The following HTR4 variants were observed in gnomAD, a reference collection of about 807,000 sequenced individuals.
HTR4 encodes the protein 5-hydroxytryptamine receptor 4.
Under a neutral mutation model 36.8 loss-of-function variants are expected in HTR4, and 16 were observed. That is an observed-to-expected ratio of 0.43 (90% CI 0.29 to 0.66). The LOEUF (loss-of-function observed/expected upper bound fraction) is 0.66. HTR4 is among the 30% of genes least tolerant of loss of function. The pLI is 0.13. For missense variants in HTR4, 438 were observed against 490.9 expected (o/e 0.89, Z 1.02); for synonymous variants, 189 against 185.1 (o/e 1.02, Z -0.17).
chr5:148,602,695 G>T (rs988728392), intron 2 of HTR4, among the ~76,000 whole-genome samples: 26 of 152,068 alleles, frequency 1.7e-4, no homozygotes, highest in Admixed American at 7.9e-4. Context: ...AATAAGCAAT[G>T]CCAATACTTG....
Position 148,549,528 on chromosome 5 carries a change from G to C in HTR4, c.152+609C>G, listed in dbSNP as rs143851869. ...ATGCATTTTAATAAGTATTGATGCT[G>C]AGGTCTCACCCCAGATCAGTTAGTT... is the stretch of plus-strand genomic sequence containing the variant. On this transcript the variant is annotated intron_variant, in intron 3 of 6. Coordinates refer to ENST00000377888, the MANE Select transcript of HTR4 (RefSeq NM_000870.7). 7.2e-4 allele frequency among the ~76,000 whole-genome samples: 110 copies of C among 152,282 alleles called. 1 individual carries two copies. The highest frequency in any genetic ancestry group is 2.5e-3 in the African/African-American group (103 of 41,562).
At chr5:148,627,221 A>G (rs1262851584) in intron 2 of HTR4, among the ~76,000 whole-genome samples, 3 of 152,204 alleles carry the variant, frequency 2.0e-5, no homozygotes, top group Non-Finnish European at 4.4e-5. Context: ...CATGCCTAAC[A>G]GAACTTTTCT....
intron 4 of HTR4, among the ~76,000 whole-genome samples, chr5:148,527,860 C>T (rs138977050): frequency 5.9e-5 from 9 of 152,268 alleles, no homozygotes; most frequent in South Asian, 2.1e-4. Context: ...GTGATTCACC[C>T]GCCTTAGTCT....
chr5:148,611,035 C>T (rs1338215400), intron 2 of HTR4, among the ~76,000 whole-genome samples: 2 of 149,046 alleles, frequency 1.3e-5, no homozygotes, highest in Admixed American at 6.7e-5. Flanking sequence ...TGTGAAAAGA[C>T]CAAATCTACG....
At chr5:148,498,002 C>T (rs896819707) in intron 6 of HTR4, among the ~76,000 whole-genome samples, 4 of 152,124 alleles carry the variant, frequency 2.6e-5, no homozygotes, top group Non-Finnish European at 5.9e-5. Flanking sequence ...CACTTCTTGT[C>T]CAACAGAAAA....
At chr5:148,520,777 T>A in intron 5 of HTR4, 1 of 945,130 alleles carries the variant, frequency 1.1e-6, no homozygotes, top group South Asian at 1.6e-5. Context: ...AAATTTGGAT[T>A]TCATTTCCTC....
intron 5 of HTR4, among the ~76,000 whole-genome samples, chr5:148,466,632 C>A (rs1029851844): frequency 2.0e-5 from 3 of 151,440 alleles, no homozygotes; most frequent in Non-Finnish European, 4.4e-5. Context: ...GTCCTCCCTA[C>A]GGTTCAGTTT....
chr5:148,475,474 A>G (rs777498099), downstream of HTR4, among the ~76,000 whole-genome samples: 5 of 152,214 alleles, frequency 3.3e-5, no homozygotes, highest in Non-Finnish European at 5.9e-5. Context: ...GAGGATTAAG[A>G]GGCATATTAG....
intron 2 of HTR4, among the ~76,000 whole-genome samples, chr5:148,564,001 C>T (rs1181238227): frequency 6.6e-6 from 1 of 152,194 alleles, no homozygotes; most frequent in Non-Finnish European, 1.5e-5. Flanking sequence ...TTTCCCAACA[C>T]TCTCAACACT....
chr5:148,502,863 C>T lies in HTR4; in HGVS notation c.1076+6593G>A, dbSNP rs534583539. 8.5e-5 allele frequency among the ~76,000 whole-genome samples: 13 copies of T among 152,114 alleles called. No individual in the cohort carries two copies. The South Asian group carries it at 1.5e-3, about 17-fold the overall frequency. The stretch of plus-strand genomic sequence containing the variant: ...TGACAAATGCACAAGCCTCAGTAGC[C>T]GATTCGATCAACTGGAAGAAAGGGT... On this transcript the variant is annotated intron_variant, in intron 6 of 6. Coordinates refer to ENST00000377888, the MANE Select transcript of HTR4 (RefSeq NM_000870.7).
At chr5:148,652,577 C>G (rs894249650) in intron 1 of HTR4, among the ~76,000 whole-genome samples, 1 of 152,118 alleles carries the variant, frequency 6.6e-6, no homozygotes, top group Non-Finnish European at 1.5e-5. Context: ...AGCATCAGAA[C>G]TGAAATCCAG....
chr5:148,540,189 A>G (rs1331437537), intron 4 of HTR4, among the ~76,000 whole-genome samples: 1 of 151,564 alleles, frequency 6.6e-6, no homozygotes, highest in Non-Finnish European at 1.5e-5. Context: ...ATGAACACAA[A>G]AAAGGGAACA....
intron 2 of HTR4, among the ~76,000 whole-genome samples, chr5:148,572,322 C>T (rs1398272638): frequency 6.6e-6 from 1 of 152,058 alleles, no homozygotes; most frequent in Non-Finnish European, 1.5e-5. Context: ...GATATTATGA[C>T]TATATCCAAT....
chr5:148,594,821 A>T (rs1581522139), intron 2 of HTR4, among the ~76,000 whole-genome samples: 1 of 152,064 alleles, frequency 6.6e-6, no homozygotes. Flanking sequence ...TATGGCTATG[A>T]CTCTTATTTT....
chr5:148,512,478 T>C (rs907817372), intron 5 of HTR4, among the ~76,000 whole-genome samples: 5 of 152,216 alleles, frequency 3.3e-5, no homozygotes, highest in African/African-American at 1.2e-4. Context: ...AGTTCTTTTA[T>C]ATTCTAGATG....
chr5:148,559,760 A>G (rs1760111037), intron 2 of HTR4, among the ~76,000 whole-genome samples: 1 of 152,078 alleles, frequency 6.6e-6, no homozygotes, highest in Non-Finnish European at 1.5e-5. Flanking sequence ...AGAATGCCAA[A>G]GACACTGCTC....
intron 2 of HTR4, among the ~76,000 whole-genome samples, chr5:148,587,067 T>C (rs1199654017): frequency 6.6e-6 from 1 of 152,182 alleles, no homozygotes; most frequent in Non-Finnish European, 1.5e-5. Context: ...CTGCTCCCTA[T>C]TGTCTCACCT....
At chr5:148,547,961 C>A (rs1759473248) in intron 4 of HTR4, among the ~76,000 whole-genome samples, 1 of 152,086 alleles carries the variant, frequency 6.6e-6, no homozygotes, top group Admixed American at 6.5e-5. Flanking sequence ...TTGCATTCTA[C>A]CTTTATGATG....
chr5:148,477,415 G>T (rs144872592), downstream of HTR4, among the ~76,000 whole-genome samples: 2,407 of 152,234 alleles, frequency 0.016, 24 homozygotes, highest in Middle Eastern at 0.027. Flanking sequence ...GGGCAAAGGG[G>T]AAAAGTGCAC....
Sources: allele counts gnomAD v4.1 joint callset (sites outside exome capture counted in the v4.1 genomes callset), GRCh38; gene constraint gnomAD v4.1.1; transcripts MANE v1.5; gene names NCBI Gene and HGNC (gene_info 2026-07-23, HGNC 2026-07-21).